TAF6: variants seen among roughly 807,000 people sequenced by gnomAD.
TAF6 encodes the protein TATA-box binding protein associated factor 6.
TAF6 carries 50 observed loss-of-function variants against 73.5 expected under a neutral mutation model. That is an observed-to-expected ratio of 0.68 (90% CI 0.54 to 0.86). The LOEUF (loss-of-function observed/expected upper bound fraction) is 0.86. Ranked by LOEUF, TAF6 falls within the 40% of genes least tolerant of loss-of-function variation. The pLI, the probability that TAF6 is intolerant of heterozygous loss-of-function variation, is 0.00. For synonymous variants in TAF6, 424 were observed against 376.7 expected (o/e 1.13, Z -1.45); for missense variants, 768 against 899.5 (o/e 0.85, Z 1.87).
Position 100,111,967 on chromosome 7 carries a change from T to C in TAF6, c.753A>G (p.Gly251=), listed in dbSNP as rs2116784100. ...EALQSIATDP[G]LYQMLPRFST... is the part of the protein sequence containing the mutation. ...TGAACCGTGGCAGCATCTGATACAG[T>C]CCAGGGTCCGTGGCAATGCTTTGCA... The change falls in exon 8 of 15, where the codon GGA becomes GGG. Residue 251 remains glycine (G), a synonymous_variant. Coordinates refer to ENST00000453269, the MANE Select transcript of TAF6 (RefSeq NM_139315.3). 6.2e-7 allele frequency: 1 copy of C among 1,613,324 alleles called. No individual in the cohort carries two copies. Among genetic ancestry groups the C allele is most frequent in the Non-Finnish European group, 8.5e-7 (1 of 1,179,894 alleles).
chr7:100,124,635 A>C (rs1177676098), upstream of TAF6: 3 of 1,612,688 alleles, frequency 1.9e-6, no homozygotes, highest in African/African-American at 4.0e-5. Flanking sequence ...GAAACTGGTA[A>C]GCGTAAGGGT....
intron 1 of TAF6, 76 bp downstream of exon 1, chr7:100,119,128 C>T: frequency 1.0e-6 from 1 of 986,562 alleles, no homozygotes; most frequent in Non-Finnish European, 1.2e-6. Context: ...TTCAGAGAGC[C>T]CACCCCATCT....
At chr7:100,127,140 A>T in the TAF6 span, 1 of 517,602 alleles carries the variant, frequency 1.9e-6, no homozygotes, top group South Asian at 2.4e-5. The surrounding 1 kb of genome is among the most constrained non-coding windows in gnomAD (Gnocchi z 4.6). Flanking sequence ...GGACGTACGT[A>T]CCGCGAACGG....
intron 1 of TAF6, among the ~76,000 whole-genome samples, chr7:100,116,226 C>T (rs1797659668): frequency 6.6e-6 from 1 of 152,094 alleles, no homozygotes; most frequent in African/African-American, 2.4e-5. Flanking sequence ...AACCTGAAAT[C>T]CTTATAATGG....
In TAF6 at chr7:100,113,871, G is replaced by A. The variant is rs768517217; in HGVS notation, c.240C>T (p.Val80=). 1.6e-5 allele frequency: 26 copies of A among 1,611,962 alleles called. No individual in the cohort carries two copies. Among genetic ancestry groups the A allele is most frequent in the Admixed American group, 3.3e-5 (2 of 59,760 alleles). The change falls in exon 3 of 15, where the codon GTC becomes GTT. Residue 80 remains valine, a synonymous_variant. Coordinates refer to ENST00000453269, the MANE Select transcript of TAF6 (RefSeq NM_139315.3). ...DIDYALKLKN[V]EPLYGFHAQE... is the part of the protein sequence containing the mutation. ...CCCGCCTGTCTCCCCAAATCACCTC[G>A]ACATTCTTTAGCTTCAAGGCGTAGT...
chr7:100,121,686 C>G (rs898011497), upstream of TAF6, among the ~76,000 whole-genome samples: 5 of 151,540 alleles, frequency 3.3e-5, no homozygotes, highest in Non-Finnish European at 7.4e-5. Flanking sequence ...GTGATCTGCC[C>G]GCCTCAGCCT....
At chr7:100,107,723 TC>T (rs4134926) in intron 14 of TAF6, 100 bp from the exon 15 acceptor site, 64,600 of 1,507,640 alleles carry the variant, frequency 0.043, 1,437 homozygotes, top group Middle Eastern at 0.052. Flanking sequence ...AACAAGTTGT[TC>T]CTGTAGTTCA....
At position 100,111,723 on chromosome 7, in the gene TAF6, C is replaced by G. The variant is rs1372923140; in HGVS notation, c.900+5G>C. ...CTGGAAGGGAGGATGGGCAGGATCACTCACGTATTTTTCTAGATAGAGCGT... is the reference window on the plus strand; with the variant it reads ...CTGGAAGGGAGGATGGGCAGGATCAGTCACGTATTTTTCTAGATAGAGCGT... On this transcript the variant is annotated splice_donor_5th_base_variant and intron_variant, in intron 9 of 14. Coordinates refer to ENST00000453269, the MANE Select transcript of TAF6 (RefSeq NM_139315.3). The G allele has an allele frequency of 6.2e-7, 1 of 1,614,066 alleles. No individual in the cohort carries two copies. The highest frequency in any genetic ancestry group is 8.5e-7 in the Non-Finnish European group (1 of 1,179,960).
At chr7:100,119,501 G>T, upstream of TAF6, 2 of 1,343,038 alleles carry the variant, frequency 1.5e-6, no homozygotes, top group Non-Finnish European at 2.0e-6. Flanking sequence ...ACTCCCTCTT[G>T]GTGTAATTAC....
intron 1 of TAF6, 79 bp downstream of exon 1, chr7:100,119,125 A>T: frequency 1.0e-6 from 1 of 986,436 alleles, no homozygotes; most frequent in African/African-American, 1.7e-5. Flanking sequence ...AGGTTCAGAG[A>T]GCCCACCCCA....
upstream of TAF6, chr7:100,122,545 G>T (rs751483119): frequency 1.2e-6 from 2 of 1,613,076 alleles, no homozygotes; most frequent in Admixed American, 3.3e-5. Context: ...TAGTGTTCAC[G>T]CTGAGCGCAA....
chr7:100,117,521 C>T (rs1447020586), intron 1 of TAF6, among the ~76,000 whole-genome samples: 1 of 151,664 alleles, frequency 6.6e-6, no homozygotes, highest in Non-Finnish European at 1.5e-5. Flanking sequence ...TTCCACCCAC[C>T]CTGGCCTCCC....
In TAF6 at chr7:100,113,938, A is replaced by G. The variant is rs764777812; in HGVS notation, c.173T>C (p.Met58Thr). 9 of 1,613,824 alleles carry G rather than the reference A, an allele frequency of 5.6e-6. No individual in the cohort carries two copies. Among genetic ancestry groups the G allele is most frequent in the Middle Eastern group, 1.7e-4 (1 of 6,060 alleles). The change falls in exon 3 of 15, where the codon ATG (methionine) becomes ACG (threonine). Residue 58 changes from methionine (M) to threonine (T), a missense_variant. This residue lies in a region of TAF6 where 269 missense variants were observed against 268.0 expected (regional missense o/e 1.00). Coordinates refer to ENST00000453269, the MANE Select transcript of TAF6 (RefSeq NM_139315.3). ...KEIAQDALKF[M>T]HMGKRQKLTT... The stretch of plus-strand genomic sequence containing the variant: ...GAGCTTCTGCCGCTTCCCCATGTGC[A>G]TGAACTTCAAGGCATCCTGGGGTCG...
chr7:100,119,842 G>C, upstream of TAF6: 1 of 1,612,406 alleles, frequency 6.2e-7, no homozygotes, highest in Admixed American at 1.7e-5. Flanking sequence ...GACACAGAAC[G>C]CTTGCCCAGC....
rs1262276366 is a variant in TAF6 at position 100,112,862 on chromosome 7, T to G, written c.510A>C (p.Pro170=). ...EATEPLKSAK[P]GQEEDGPLKG... ...TCAGGGGTCCGTCTTCCTCCTGGCC[T>G]GGCTTGGCTGACTTCAGGGGTTCTG... The change falls in exon 6 of 15, where the codon CCA becomes CCC. Residue 170 remains proline (P), a synonymous_variant. Coordinates refer to ENST00000453269, the MANE Select transcript of TAF6 (RefSeq NM_139315.3). 3.1e-6 allele frequency: 5 copies of G among 1,613,878 alleles called. No individual in the cohort carries two copies. The African/African-American group carries it at 4.0e-5, about 13-fold the overall frequency.
At chr7:100,121,854 T>A (rs371271060), upstream of TAF6, among the ~76,000 whole-genome samples, 2 of 150,706 alleles carry the variant, frequency 1.3e-5, no homozygotes, top group African/African-American at 4.9e-5. Flanking sequence ...ATCGAGACCA[T>A]CCTGGCTAAC....
chr7:100,111,094 G>A, intron 10 of TAF6, 45 bp downstream of exon 10: 1 of 1,593,084 alleles, frequency 6.3e-7, no homozygotes, highest in Admixed American at 1.7e-5. Context: ...CCAACCAGAG[G>A]TGGCCAGTGA....
Position 100,113,751 on chromosome 7 carries a change from C to A in TAF6, c.262G>T (p.Ala88Ser), listed in dbSNP as rs759298744. The A allele has an allele frequency of 1.9e-6, 3 of 1,613,622 alleles. No individual in the cohort carries two copies. Among genetic ancestry groups the A allele is most frequent in the Non-Finnish European group, 2.5e-6 (3 of 1,179,916 alleles). Residue 88 changes from alanine (A) to serine (S), a missense_variant, in exon 4 of 15, where the codon GCC (alanine) becomes TCC (serine). Coordinates refer to ENST00000453269, the MANE Select transcript of TAF6 (RefSeq NM_139315.3). ...KNVEPLYGFH[A>S]QEFIPFRFAS... ...AAGCGGAAAGGAATGAACTCCTGGG[C>A]GTGGAAGCCATAGAGTGGCTGTGGC...
At chr7:100,126,969 A>G in the TAF6 span, 1 of 162,442 alleles carries the variant, frequency 6.2e-6, no homozygotes, top group African/African-American at 2.4e-5. Flanking sequence ...CGGCCGCCAT[A>G]TCTGGGTACA....
Sources: gnomAD v4.1 joint callset for allele counts (sites outside exome capture counted in the v4.1 genomes callset) on GRCh38, gnomAD v4.1.1 for gene constraint, gnomAD v4.1.1 regional missense constraint, Gnocchi (gnomAD v3.1) non-coding constraint, MANE v1.5 for transcripts, NCBI Gene and HGNC (gene_info 2026-07-23, HGNC 2026-07-21) for gene names.